The following CSMD1 variants were observed in gnomAD, a reference collection of about 807,000 sequenced individuals.
CSMD1 encodes the protein CUB and sushi domain-containing protein 1.
Under a neutral mutation model 417.5 loss-of-function variants are expected in CSMD1, and 213 were observed. That is an observed-to-expected ratio of 0.51 (90% CI 0.46 to 0.57). The LOEUF (loss-of-function observed/expected upper bound fraction) is 0.57, where lower values mean the gene tolerates loss of function less well. Ranked by LOEUF, CSMD1 falls within the 20% of genes least tolerant of loss-of-function variation. The pLI is 0.00. For missense variants in CSMD1, 6,923 were observed against 4,529.7 expected, an observed-to-expected ratio of 1.53 and a Z score of -15.17; for synonymous variants, 2,862 against 1,736.8, an observed-to-expected ratio of 1.65 and a Z score of -16.11.
chr8:4,744,861 A>C (rs1406575710), intron 1 of CSMD1, among the ~76,000 whole-genome samples: 2 of 152,196 alleles, frequency 1.3e-5, no homozygotes, highest in South Asian at 2.1e-4. Flanking sequence ...GTAGTCTCAG[A>C]CATTAAAGTT....
At chr8:4,263,131 A>AT (rs1804000003) in intron 3 of CSMD1, among the ~76,000 whole-genome samples, 1 of 152,026 alleles carries the variant, frequency 6.6e-6, no homozygotes, top group South Asian at 2.1e-4. Context: ...GATATCACTT[A>AT]TTTTTTCAAA....
intron 18 of CSMD1, among the ~76,000 whole-genome samples, chr8:3,385,058 T>C (rs1242000443): frequency 1.9e-5 from 2 of 103,594 alleles, no homozygotes; most frequent in African/African-American, 4.4e-5. Context: ...ATATATAATA[T>C]ATAATATATA....
chr8:4,617,598 A>G (rs1585338145), intron 2 of CSMD1, among the ~76,000 whole-genome samples: 1 of 152,246 alleles, frequency 6.6e-6, no homozygotes, highest in East Asian at 1.9e-4. Context: ...TTTTAGAAGC[A>G]CCTGGTTATA....
intron 3 of CSMD1, among the ~76,000 whole-genome samples, chr8:4,251,611 T>C (rs1237901756): frequency 8.5e-5 from 13 of 152,196 alleles, no homozygotes; most frequent in Non-Finnish European, 1.6e-4. Context: ...ACAGGTTTCA[T>C]GTCTGGATAT....
intron 3 of CSMD1, among the ~76,000 whole-genome samples, chr8:4,257,562 G>C (rs926978765): frequency 2.0e-5 from 3 of 152,090 alleles, no homozygotes; most frequent in African/African-American, 4.8e-5. Flanking sequence ...TTTAAAATAA[G>C]AAATAGAGAT....
intron 3 of CSMD1, among the ~76,000 whole-genome samples, chr8:4,131,461 T>C (rs1041752573): frequency 3.3e-5 from 5 of 152,166 alleles, no homozygotes; most frequent in African/African-American, 1.2e-4. Flanking sequence ...ATTAAACTTC[T>C]TAAAAAATAA....
At chr8:4,179,451 G>C (rs887630961) in intron 3 of CSMD1, among the ~76,000 whole-genome samples, 23 of 151,684 alleles carry the variant, frequency 1.5e-4, no homozygotes, top group South Asian at 4.2e-4. Flanking sequence ...AGACTTAAAC[G>C]TTAGACCTAA....
chr8:3,764,904 C>G (rs184711192), intron 5 of CSMD1, among the ~76,000 whole-genome samples: 1 of 151,860 alleles, frequency 6.6e-6, no homozygotes, highest in African/African-American at 2.4e-5. Context: ...TGCCACCACA[C>G]CCAGCTCATT....
At chr8:3,418,924 A>C (rs1813320457) in intron 12 of CSMD1, among the ~76,000 whole-genome samples, 1 of 152,256 alleles carries the variant, frequency 6.6e-6, no homozygotes, top group Non-Finnish European at 1.5e-5. Flanking sequence ...CTCAGAATAC[A>C]TGAAAGGTAT....
chr8:4,926,918 T>A (rs1258481740), intron 1 of CSMD1, among the ~76,000 whole-genome samples: 2 of 152,100 alleles, frequency 1.3e-5, no homozygotes, highest in East Asian at 3.9e-4. Context: ...TTTTAGTTAA[T>A]TTTTAAACCA....
intron 12 of CSMD1, among the ~76,000 whole-genome samples, chr8:3,419,072 G>C (rs1370247990): frequency 6.6e-6 from 1 of 152,196 alleles, no homozygotes; most frequent in Non-Finnish European, 1.5e-5. Flanking sequence ...TGTTGCCATT[G>C]TTTAAGGCTG....
chr8:4,780,479 A>G (rs1475349031), intron 1 of CSMD1, among the ~76,000 whole-genome samples: 1 of 152,112 alleles, frequency 6.6e-6, no homozygotes, highest in South Asian at 2.1e-4. Flanking sequence ...GCTCCTTTAT[A>G]TAGCCCTTTT....
intron 3 of CSMD1, among the ~76,000 whole-genome samples, chr8:4,208,310 G>A (rs1029037858): frequency 4.6e-5 from 7 of 152,138 alleles, no homozygotes; most frequent in African/African-American, 1.7e-4. Flanking sequence ...AAAGACTGGA[G>A]AAGAAATAAA....
intron 68 of CSMD1, among the ~76,000 whole-genome samples, chr8:2,947,269 T>A (rs964711513): frequency 2.6e-5 from 4 of 152,234 alleles, no homozygotes; most frequent in African/African-American, 9.6e-5. Context: ...AAATTAATTT[T>A]ATTTTAGTAT....
chr8:4,425,690 G>T (rs1349849856), intron 2 of CSMD1, among the ~76,000 whole-genome samples: 1 of 151,994 alleles, frequency 6.6e-6, no homozygotes, highest in Non-Finnish European at 1.5e-5. Context: ...TAAGCAACTG[G>T]CTTATTTTCA....
At chr8:3,616,553 C>A (rs1480531861) in intron 8 of CSMD1, among the ~76,000 whole-genome samples, 157 bp downstream of exon 8, 2 of 152,140 alleles carry the variant, frequency 1.3e-5, no homozygotes, top group South Asian at 2.1e-4. Context: ...AAAACAAAAT[C>A]TCTGAAGACA....
intron 2 of CSMD1, among the ~76,000 whole-genome samples, chr8:4,447,541 C>T (rs910090605): frequency 1.3e-5 from 2 of 152,166 alleles, no homozygotes; most frequent in Non-Finnish European, 2.9e-5. Context: ...CCTCACTCTA[C>T]AGATAACAGA....
intron 2 of CSMD1, among the ~76,000 whole-genome samples, chr8:4,548,204 C>A (rs997022702): frequency 2.0e-5 from 3 of 152,030 alleles, no homozygotes; most frequent in Non-Finnish European, 2.9e-5. Flanking sequence ...ATAGCGCCGT[C>A]AAAAATTGGC....
chr8:4,241,071 C>G (rs913746935), intron 3 of CSMD1, among the ~76,000 whole-genome samples: 3 of 152,128 alleles, frequency 2.0e-5, no homozygotes, highest in East Asian at 3.9e-4. Flanking sequence ...TGGATTTGAT[C>G]GCTGAATTAC....
Sources: allele counts gnomAD v4.1 joint callset (sites outside exome capture counted in the v4.1 genomes callset), GRCh38; gene constraint gnomAD v4.1.1; transcripts MANE v1.5; gene names NCBI Gene and HGNC (gene_info 2026-07-23, HGNC 2026-07-21).